ZBTB48: variants seen among roughly 807,000 people sequenced by gnomAD.
ZBTB48 encodes the protein zinc finger and BTB domain containing 48.
Under a neutral mutation model 64.5 loss-of-function variants are expected in ZBTB48, and 35 were observed. The observed-to-expected ratio is 0.54, with a 90% CI of 0.41 to 0.72. ZBTB48 has a LOEUF of 0.72. Among genes scored for constraint, ZBTB48 ranks in the 30% least tolerant of loss-of-function variants. The pLI, the probability that ZBTB48 is intolerant of heterozygous loss-of-function variation, is 0.00. For synonymous variants in ZBTB48, 442 were observed against 356.7 expected, an observed-to-expected ratio of 1.24 and a Z score of -2.70; for missense variants, 828 against 895.3, an observed-to-expected ratio of 0.92 and a Z score of 0.96.
At chr1:6,588,600 A>G in intron 9 of ZBTB48, 156 bp from the exon 10 acceptor site, 1 of 1,445,666 alleles carries the variant, frequency 6.9e-7, no homozygotes, top group Non-Finnish European at 9.3e-7. Context: ...CCTGTGCAGT[A>G]GTGACCCTGG....
intron 3 of ZBTB48, among the ~76,000 whole-genome samples, chr1:6,583,308 T>G (rs926931377): frequency 2.0e-5 from 3 of 151,178 alleles, no homozygotes; most frequent in African/African-American, 7.3e-5. Flanking sequence ...TTTCATTTTA[T>G]TTTATTTTTT....
chr1:6,582,158 C>T lies in ZBTB48; in HGVS notation c.791C>T (p.Pro264Leu), dbSNP rs751637654. The change falls in exon 3 of 11, where the codon CCC becomes CTC. Residue 264 changes from proline to leucine, a missense_variant. Pro to Leu is a moderately conservative substitution (Grantham distance 98). Coordinates refer to ENST00000377674, the MANE Select transcript of ZBTB48 (RefSeq NM_005341.4). ...TRRKSNVIRK[P>L]CAAEPALSAG... Reference sequence around the variant, plus strand: ...AGGAAGTCAAATGTAATCCGAAAGCCCTGTGCAGCTGAGCCAGCCCTGAGC... The same window carrying T: ...AGGAAGTCAAATGTAATCCGAAAGCTCTGTGCAGCTGAGCCAGCCCTGAGC... 1 of 1,614,192 alleles carries T rather than the reference C, an allele frequency of 6.2e-7. No individual in the cohort carries two copies. The highest frequency in any genetic ancestry group is 2.2e-5 in the East Asian group (1 of 44,894).
Position 6,589,012 on chromosome 1 carries a change from ATGG to A in ZBTB48, c.1877_1879del (p.Val626del), listed in dbSNP as rs1640783693. ...CAACCTGATCATCGAGGACGAGAAG[ATGG>A]TGGTGGTGGCGCTGCAGCCGCCTGC... On this transcript the variant is annotated inframe_deletion, in exon 11 of 11. Coordinates refer to ENST00000377674, the MANE Select transcript of ZBTB48 (RefSeq NM_005341.4). 3 of 1,596,672 alleles carry A rather than the reference ATGG, an allele frequency of 1.9e-6. No individual in the cohort carries two copies. The highest frequency in any genetic ancestry group is 1.1e-5 in the South Asian group (1 of 89,640).
chr1:6,582,884 G>A (rs1640520185), intron 3 of ZBTB48, among the ~76,000 whole-genome samples: 1 of 152,230 alleles, frequency 6.6e-6, no homozygotes, highest in African/African-American at 2.4e-5. Flanking sequence ...TGCCCAGGCT[G>A]GTCTCAAACT....
chr1:6,581,017 G>A lies in ZBTB48; in HGVS notation c.408G>A (p.Gln136=). 1 of 1,613,432 alleles carries A rather than the reference G, an allele frequency of 6.2e-7. No individual in the cohort carries two copies. Among genetic ancestry groups the A allele is most frequent in the South Asian group, 1.1e-5 (1 of 91,084 alleles). ...GTGGGCTGGGGCCCCCTGCCTCCCA[G>A]AATGTGAACAGCCACGTCAAGGAGC... ...GQSGLGPPAS[Q]NVNSHVKEPA... Residue 136 remains glutamine (Q), a synonymous_variant, in exon 2 of 11, where the codon CAG becomes CAA. Coordinates refer to ENST00000377674, the MANE Select transcript of ZBTB48 (RefSeq NM_005341.4).
Position 6,581,277 on chromosome 1 carries a change from A to G in ZBTB48, c.668A>G (p.Gln223Arg). ...PPRPLEAEGA[Q>R]LQGGSNEWEV... ...AGGCCCTTAGAGGCTGAAGGTGCCC[A>G]GCTGCAGGGCGGCAGTAATGAGGTA... Residue 223 changes from glutamine (Q) to arginine (R), a missense_variant, in exon 2 of 11, where the codon CAG (glutamine) becomes CGG (arginine). Gln to Arg is a conservative substitution (Grantham distance 43, BLOSUM62 1). Coordinates refer to ENST00000377674, the MANE Select transcript of ZBTB48 (RefSeq NM_005341.4). The G allele has an allele frequency of 6.2e-7, 1 of 1,606,206 alleles. No homozygotes were observed.
intron 4 of ZBTB48, 195 bp downstream of exon 4, chr1:6,586,225 G>A (rs927720892): frequency 9.7e-6 from 6 of 619,544 alleles, no homozygotes; most frequent in Non-Finnish European, 1.7e-5. Context: ...GAAGGGACAG[G>A]CATAGGAGGG....
intron 2 of ZBTB48, 43 bp from the exon 3 acceptor site, chr1:6,582,015 C>G (rs758467346): frequency 3.1e-6 from 5 of 1,604,094 alleles, no homozygotes; most frequent in South Asian, 2.2e-5. Context: ...CCTGCTGATT[C>G]ATTTGGTGAC....
In ZBTB48 at chr1:6,580,738, C is replaced by T. The variant is rs144477963; in HGVS notation, c.129C>T (p.Val43=). 480 of 1,614,210 alleles carry T rather than the reference C, an allele frequency of 3.0e-4. 1 individual carries two copies. In the African/African-American group the frequency reaches 5.6e-3, roughly 19 times the overall value. ...GGLVFKAHWS[V]LACCSHFFQS... ...TGGTGTTTAAGGCACACTGGAGTGT[C>T]CTTGCCTGCTGCAGTCACTTTTTCC... is the stretch of plus-strand genomic sequence containing the variant. The change falls in exon 2 of 11, where the codon GTC becomes GTT. Residue 43 remains valine (V), a synonymous_variant. Coordinates refer to ENST00000377674, the MANE Select transcript of ZBTB48 (RefSeq NM_005341.4). This position sits in a 1 kb window ranked among gnomAD's most constrained non-coding sequence, Gnocchi z 5.2.
chr1:6,580,255 C>T lies in ZBTB48; in HGVS notation c.-70+119C>T. The T allele has an allele frequency of 4.3e-6, 1 of 234,294 alleles. No individual in the cohort carries two copies. Among genetic ancestry groups the T allele is most frequent in the South Asian group, 6.6e-5 (1 of 15,060 alleles). The allele number at this position is 234,294 out of a possible 1,614,324, so 14.5% of individuals were successfully genotyped here. On this transcript the variant is annotated intron_variant, in intron 1 of 10. Transcript: ENST00000377674. This position sits in a 1 kb window ranked among gnomAD's most constrained non-coding sequence, Gnocchi z 5.2. The stretch of plus-strand genomic sequence containing the variant: ...TTCGCTCACCTGTCCCCGGCTGCCG[C>T]CCTCCGCCGTCCGGGATCCTCTCAC...
At chr1:6,581,749 C>T (rs1294915460) in intron 2 of ZBTB48, among the ~76,000 whole-genome samples, 8 of 152,140 alleles carry the variant, frequency 5.3e-5, no homozygotes, top group Non-Finnish European at 2.9e-5. Flanking sequence ...AAGCTGGTGA[C>T]CTCAGGCTGA....
intron 5 of ZBTB48, 191 bp downstream of exon 5, chr1:6,586,978 G>A: frequency 1.2e-6 from 1 of 865,448 alleles, no homozygotes; most frequent in Non-Finnish European, 1.9e-6. Flanking sequence ...CACCTCCAAG[G>A]TCCTTATTAG....
At chr1:6,582,976 G>A (rs1047481158) in intron 3 of ZBTB48, among the ~76,000 whole-genome samples, 2 of 151,534 alleles carry the variant, frequency 1.3e-5, no homozygotes, top group Non-Finnish European at 2.9e-5. Flanking sequence ...AGCCCCCAGG[G>A]GCTATTTTAT....
rs751071470 is a variant in ZBTB48 at position 6,588,081 on chromosome 1, T to C, written c.1401T>C (p.Cys467=). The change falls in exon 8 of 11, where the codon TGT becomes TGC. Residue 467 remains cysteine (C), a synonymous_variant. Transcript: ENST00000377674. The stretch of plus-strand genomic sequence containing the variant: ...ACAGGAATGAGAGGCCACACGTATG[T>C]GAGTTCTGCAGCCACGCCTTCACCC... ...AKHRNERPHV[C]EFCSHAFTQK... The C allele has an allele frequency of 1.2e-6, 2 of 1,614,140 alleles. No individual in the cohort carries two copies. Among genetic ancestry groups the C allele is most frequent in the South Asian group, 2.2e-5 (2 of 91,076 alleles).
chr1:6,584,124 C>T lies in ZBTB48; in HGVS notation c.933-1795C>T, dbSNP rs925456772. Among the ~76,000 whole-genome samples, 1 of 151,870 alleles carries T rather than the reference C, an allele frequency of 6.6e-6. No homozygotes were observed. Among genetic ancestry groups the T allele is most frequent in the South Asian group, 2.1e-4 (1 of 4,816 alleles). ...TAGTGATGGGTTTCACCATATTGGCCAGGCTGATCTCAAACTCCTGACCTT... is the reference window on the plus strand; with the variant it reads ...TAGTGATGGGTTTCACCATATTGGCTAGGCTGATCTCAAACTCCTGACCTT... On this transcript the variant is annotated intron_variant, in intron 3 of 10. Transcript: ENST00000377674. The surrounding 1 kb of genome is among the most constrained non-coding windows in gnomAD (Gnocchi z 4.5).
chr1:6,583,634 T>G (rs1640552761), intron 3 of ZBTB48, among the ~76,000 whole-genome samples: 1 of 146,776 alleles, frequency 6.8e-6, no homozygotes, highest in African/African-American at 2.5e-5. Context: ...ACAGTCTCAC[T>G]GTGTCGCCCA....
rs780587599 is a variant in ZBTB48 at position 6,587,545 on chromosome 1, G to A, written c.1292G>A (p.Arg431His). The A allele has an allele frequency of 5.6e-6, 9 of 1,613,974 alleles. No individual in the cohort carries two copies. Among genetic ancestry groups the A allele is most frequent in the African/African-American group, 4.0e-5 (3 of 74,934 alleles). Residue 431 changes from arginine (R) to histidine (H), a missense_variant, in exon 7 of 11, where the codon CGT (arginine) becomes CAT (histidine). Coordinates refer to ENST00000377674, the MANE Select transcript of ZBTB48 (RefSeq NM_005341.4). ...CAGCTGCATGAAGCTTTCAAGCACC[G>A]TGGTGAGAAGCTGTTTGTGTGTGAG... ...ELQLHEAFKHRGEKLFVCEEC... is the reference protein window; with the variant it reads ...ELQLHEAFKHHGEKLFVCEEC...
intron 4 of ZBTB48, 82 bp downstream of exon 4, chr1:6,586,112 A>T: frequency 1.5e-6 from 2 of 1,368,030 alleles, no homozygotes; most frequent in Non-Finnish European, 2.1e-6. Flanking sequence ...GGGCCCCAGG[A>T]GACTGTCTGA....
Position 6,588,076 on chromosome 1 carries a change from G to A in ZBTB48, c.1396G>A (p.Val466Ile), listed in dbSNP as rs1300254207. Reference sequence around the variant, plus strand: ...CCTTAACAGGAATGAGAGGCCACACGTATGTGAGTTCTGCAGCCACGCCTT... The same window carrying A: ...CCTTAACAGGAATGAGAGGCCACACATATGTGAGTTCTGCAGCCACGCCTT... ...KAKHRNERPH[V>I]CEFCSHAFTQ... Residue 466 changes from valine to isoleucine, a missense_variant, in exon 8 of 11, where the codon GTA (valine) becomes ATA (isoleucine). Transcript: ENST00000377674. 2 of 1,614,132 alleles carry A rather than the reference G, an allele frequency of 1.2e-6. No homozygotes were observed. Among genetic ancestry groups the A allele is most frequent in the Non-Finnish European group, 1.7e-6 (2 of 1,180,028 alleles).
Sources: allele counts gnomAD v4.1 joint callset (sites outside exome capture counted in the v4.1 genomes callset), GRCh38; gene constraint gnomAD v4.1.1; non-coding constraint Gnocchi (gnomAD v3.1); transcripts MANE v1.5; gene names NCBI Gene and HGNC (gene_info 2026-07-23, HGNC 2026-07-21).